ARHGAP15: variants seen among roughly 807,000 people sequenced by gnomAD.
ARHGAP15 encodes the protein Rho GTPase activating protein 15.
Under a neutral mutation model 63.7 loss-of-function variants are expected in ARHGAP15, and 51 were observed. The observed-to-expected ratio is 0.80, with a 90% CI of 0.64 to 1.01. The LOEUF (loss-of-function observed/expected upper bound fraction) is 1.01. Ranked by LOEUF, ARHGAP15 falls within the 50% of genes least tolerant of loss-of-function variation. ARHGAP15 has a pLI of 0.00. For synonymous variants in ARHGAP15, 191 were observed against 193.8 expected, an observed-to-expected ratio of 0.99 and a Z score of 0.12; for missense variants, 560 against 564.6, an observed-to-expected ratio of 0.99 and a Z score of 0.08.
intron 6 of ARHGAP15, among the ~76,000 whole-genome samples, chr2:143,264,818 G>A (rs1188558770): frequency 2.6e-5 from 4 of 151,954 alleles, no homozygotes; most frequent in South Asian, 2.1e-4. Context: ...CGGTATTAAC[G>A]GACCTTGGAA....
chr2:143,158,703 T>C (rs994483548), intron 2 of ARHGAP15, among the ~76,000 whole-genome samples: 34 of 151,880 alleles, frequency 2.2e-4, no homozygotes, highest in African/African-American at 8.0e-4. Flanking sequence ...CAGTCTTTGG[T>C]CTCAGTGATT....
At chr2:143,694,493 C>G (rs927006282) in intron 12 of ARHGAP15, among the ~76,000 whole-genome samples, 5 of 152,048 alleles carry the variant, frequency 3.3e-5, no homozygotes, top group Non-Finnish European at 5.9e-5. Context: ...TAACAGTAAC[C>G]ATGCTGTGAC....
intron 6 of ARHGAP15, among the ~76,000 whole-genome samples, chr2:143,389,212 G>GTGA (rs1446167639): frequency 6.6e-6 from 1 of 151,582 alleles, no homozygotes; most frequent in Admixed American, 6.6e-5. Flanking sequence ...GGTGTATCTG[G>GTGA]TGAATTTACT....
chr2:143,717,473 C>T (rs1384548616), intron 13 of ARHGAP15, among the ~76,000 whole-genome samples: 1 of 152,220 alleles, frequency 6.6e-6, no homozygotes, highest in Non-Finnish European at 1.5e-5. Flanking sequence ...GCCTGTCAAG[C>T]TCCTTTCCAG....
At chr2:143,202,105 A>G (rs780362238) in intron 2 of ARHGAP15, 29 bp from the exon 3 acceptor site, 4 of 1,567,616 alleles carry the variant, frequency 2.6e-6, no homozygotes, top group African/African-American at 1.4e-5. Context: ...AAAATTATGT[A>G]ATAATATCCA....
chr2:143,175,994 A>G (rs1690995936), intron 2 of ARHGAP15, among the ~76,000 whole-genome samples: 1 of 152,196 alleles, frequency 6.6e-6, no homozygotes, highest in Non-Finnish European at 1.5e-5. Context: ...AAAATAAAAT[A>G]CGTATGTCTG....
chr2:143,554,972 A>G (rs546619548), intron 10 of ARHGAP15, among the ~76,000 whole-genome samples: 6 of 152,304 alleles, frequency 3.9e-5, no homozygotes, highest in Non-Finnish European at 7.4e-5. Flanking sequence ...AGGAAGAGAC[A>G]GAGTCTCAGT....
chr2:143,583,089 C>A (rs1696974948), intron 11 of ARHGAP15, among the ~76,000 whole-genome samples: 1 of 152,108 alleles, frequency 6.6e-6, no homozygotes, highest in East Asian at 1.9e-4. Context: ...CAGCTGGCCA[C>A]CCTCCTGATC....
intron 6 of ARHGAP15, among the ~76,000 whole-genome samples, chr2:143,374,982 A>G (rs1686738948): frequency 6.6e-6 from 1 of 152,238 alleles, no homozygotes; most frequent in Admixed American, 6.5e-5. Flanking sequence ...CAGATTCACT[A>G]TGAGGGTGAA....
intron 9 of ARHGAP15, among the ~76,000 whole-genome samples, chr2:143,509,707 C>G (rs1461294566): frequency 1.3e-5 from 2 of 152,104 alleles, no homozygotes; most frequent in East Asian, 3.9e-4. Context: ...ATGGTGGGAA[C>G]AGAACTGGAG....
At chr2:143,270,012 G>A (rs1158424690) in intron 6 of ARHGAP15, among the ~76,000 whole-genome samples, 4 of 152,020 alleles carry the variant, frequency 2.6e-5, no homozygotes, top group Non-Finnish European at 5.9e-5. Flanking sequence ...CGCTCTTGTC[G>A]CCCGGGCTGG....
intron 11 of ARHGAP15, among the ~76,000 whole-genome samples, chr2:143,569,137 A>T (rs1401594984): frequency 6.6e-6 from 1 of 152,058 alleles, no homozygotes; most frequent in Non-Finnish European, 1.5e-5. Context: ...CGTTGTGCAC[A>T]TGTACCCTAG....
At chr2:143,242,101 G>A (rs192488703) in intron 5 of ARHGAP15, among the ~76,000 whole-genome samples, 4 of 152,176 alleles carry the variant, frequency 2.6e-5, no homozygotes, top group South Asian at 2.1e-4. Flanking sequence ...TGCTTCAGTC[G>A]GACCTGCCTC....
chr2:143,429,293 T>G (rs1189196815), intron 6 of ARHGAP15, among the ~76,000 whole-genome samples: 1 of 149,520 alleles, frequency 6.7e-6, no homozygotes, highest in Non-Finnish European at 1.5e-5. Context: ...AAAGTTAGAG[T>G]GGGCAAGTAA....
chr2:143,210,330 G>A (rs747109962), intron 3 of ARHGAP15, among the ~76,000 whole-genome samples: 1 of 151,252 alleles, frequency 6.6e-6, no homozygotes, highest in Non-Finnish European at 1.5e-5. Context: ...GGATTCCTTG[G>A]TGGTGACCAA....
intron 13 of ARHGAP15, among the ~76,000 whole-genome samples, chr2:143,766,227 G>C (rs555900685): frequency 1.2e-4 from 18 of 152,290 alleles, no homozygotes; most frequent in African/African-American, 4.3e-4. Flanking sequence ...TAGTCTGAAA[G>C]TATGAAATGG....
chr2:143,307,294 G>C (rs1355724441), intron 6 of ARHGAP15, among the ~76,000 whole-genome samples: 2 of 152,094 alleles, frequency 1.3e-5, no homozygotes, highest in African/African-American at 2.4e-5. Context: ...CAAACCACAG[G>C]AGTGATATCC....
intron 12 of ARHGAP15, among the ~76,000 whole-genome samples, chr2:143,702,987 A>T (rs975533775): frequency 2.0e-5 from 3 of 152,196 alleles, no homozygotes; most frequent in Non-Finnish European, 4.4e-5. Flanking sequence ...CCAGGGATTC[A>T]GACACGGACA....
At position 143,624,247 on chromosome 2, in the gene ARHGAP15, A is replaced by G; in HGVS notation, c.1118A>G (p.Glu373Gly). ...CCGCTCTTCCCTTACAGTTTCTTTG[A>G]GCAGTTTGTGGAAGCGATCAGTAAG... is the stretch of plus-strand genomic sequence containing the variant. ...PEPLFPYSFFEQFVEAIKKQD... is the reference protein window; with the variant it reads ...PEPLFPYSFFGQFVEAIKKQD... Residue 373 changes from glutamate (E) to glycine (G), a missense_variant, in exon 12 of 14, where the codon GAG becomes GGG. By Grantham distance (98) the Glu-to-Gly change is moderately conservative. Transcript: ENST00000295095. The G allele has an allele frequency of 1.2e-6, 2 of 1,613,372 alleles. No individual in the cohort carries two copies. Among genetic ancestry groups the G allele is most frequent in the Non-Finnish European group, 1.7e-6 (2 of 1,179,616 alleles).
Sources: allele counts gnomAD v4.1 joint callset (sites outside exome capture counted in the v4.1 genomes callset), GRCh38; gene constraint gnomAD v4.1.1; transcripts MANE v1.5; gene names NCBI Gene and HGNC (gene_info 2026-07-23, HGNC 2026-07-21).